Variants in TMPO observed in about 807,000 individuals in gnomAD.
TMPO encodes the protein thymopoietin.
Under a neutral mutation model 45.4 loss-of-function variants are expected in TMPO, and 22 were observed. That is an observed-to-expected ratio of 0.48 (90% CI 0.35 to 0.69). The LOEUF (loss-of-function observed/expected upper bound fraction) is 0.69, where lower values mean the gene tolerates loss of function less well. TMPO is among the 30% of genes least tolerant of loss of function. The probability of loss-of-function intolerance (pLI) is 0.01; values close to 1 mark genes in which losing one functional copy is unlikely to be tolerated. For missense variants in TMPO, 512 were observed against 548.8 expected (o/e 0.93, Z 0.67); for synonymous variants, 241 against 204.1 (o/e 1.18, Z -1.54).
intron 1 of TMPO, among the ~76,000 whole-genome samples, chr12:98,520,372 G>T (rs745474197): frequency 6.9e-6 from 1 of 145,236 alleles, no homozygotes; most frequent in Non-Finnish European, 1.5e-5. Flanking sequence ...GCATGATCTC[G>T]GCTCACTGCA....
At position 98,531,733 on chromosome 12, in the gene TMPO, A is replaced by G; in HGVS notation, c.460A>G (p.Thr154Ala). The G allele has an allele frequency of 6.2e-7, 1 of 1,613,640 alleles. No individual in the cohort carries two copies. The highest frequency in any genetic ancestry group is 8.5e-7 in the Non-Finnish European group (1 of 1,179,946). ...GCTTTTGAAACTGAGGGAACAAGGA[A>G]CAGAATCAAGATCTTCTACTCCTCT... ...KKLLKLREQGTESRSSTPLPT... is the reference protein window; with the variant it reads ...KKLLKLREQGAESRSSTPLPT... The change falls in exon 3 of 9, where the codon ACA becomes GCA. Residue 154 changes from threonine to alanine, a missense_variant. Physicochemically the swap from Thr to Ala is moderately conservative, Grantham distance 58. Transcript: ENST00000556029.
rs773959929 is a variant in TMPO, at chr12:98,544,367, C to A, written c.783+18C>A. ...GGAAAAGGGTGATGCAAGGCTTATT[C>A]CTTGGGTTTTCAGATTTGTAGGGTT... On this transcript the variant is annotated intron_variant, in intron 5 of 8. Coordinates refer to ENST00000556029, the MANE Select transcript of TMPO (RefSeq NM_001032283.3). 9 of 1,613,748 alleles carry A rather than the reference C, an allele frequency of 5.6e-6. No homozygotes were observed. Among genetic ancestry groups the A allele is most frequent in the Non-Finnish European group, 7.6e-6 (9 of 1,179,816 alleles).
chr12:98,516,043 G>C lies in TMPO; in HGVS notation c.176G>C (p.Ser59Thr), dbSNP rs987636941. Residue 59 changes from serine to threonine, a missense_variant, in exon 1 of 9, where the codon AGC becomes ACC. Ser to Thr is a moderately conservative substitution (Grantham distance 58). This residue lies in a region of TMPO where 299 missense variants were observed against 296.7 expected (regional missense o/e 1.01). Transcript: ENST00000556029. ...CCGCCGCTCCCCGCCGGCACCAACA[G>C]CAAGGGGCCCCCGGACTTCTCCAGT... ...NRPPLPAGTN[S>T]KGPPDFSSDE... The C allele has an allele frequency of 6.2e-7, 1 of 1,611,290 alleles. No individual in the cohort carries two copies. Among genetic ancestry groups the C allele is most frequent in the African/African-American group, 1.3e-5 (1 of 74,914 alleles).
rs147932064 is a variant in TMPO at position 98,541,398 on chromosome 12, T to A, written c.664-2832T>A. Among the ~76,000 whole-genome samples, 360 of 152,368 alleles carry A rather than the reference T, an allele frequency of 2.4e-3. 4 individuals carry two copies. The highest frequency in any genetic ancestry group is 8.3e-3 in the African/African-American group (346 of 41,600). On this transcript the variant is annotated intron_variant, in intron 4 of 8. Transcript: ENST00000556029. ...TACAGGCTAATTTTGGGTTATGTTA[T>A]ACTTGTATCATTTTTATCTTATGCT...
chr12:98,529,877 T>A (rs966684410), intron 2 of TMPO, among the ~76,000 whole-genome samples: 3 of 152,182 alleles, frequency 2.0e-5, no homozygotes, highest in Admixed American at 6.5e-5. Context: ...CTAAGTTACC[T>A]AAAATTGTGG....
intron 7 of TMPO, among the ~76,000 whole-genome samples, chr12:98,545,979 C>T (rs112973854): frequency 2.0e-5 from 3 of 152,124 alleles, no homozygotes; most frequent in African/African-American, 4.8e-5. Context: ...GTGATCCACC[C>T]GCCTCAGCCT....
chr12:98,516,842 A>C (rs1476380778), intron 1 of TMPO, among the ~76,000 whole-genome samples: 1 of 152,082 alleles, frequency 6.6e-6, no homozygotes, highest in Non-Finnish European at 1.5e-5. Flanking sequence ...GGAGTGTCGC[A>C]CTTGTTGCCC....
At chr12:98,547,145 G>A (rs191920224) in intron 8 of TMPO, among the ~76,000 whole-genome samples, 14 of 149,230 alleles carry the variant, frequency 9.4e-5, no homozygotes, top group Admixed American at 8.7e-4. Flanking sequence ...GCGTGATCTC[G>A]GCTCACTACA....
rs1467263758 is a variant in TMPO, at chr12:98,545,127, TTG to T, written c.990+68_990+69del. 438 of 1,214,610 alleles carry T rather than the reference TTG, an allele frequency of 3.6e-4. 1 individual carries two copies. The highest frequency in any genetic ancestry group is 3.1e-3 in the East Asian group (123 of 39,330). The allele number at this position is 1,214,610 out of a possible 1,614,324, so 75.2% of individuals were successfully genotyped here. A position where few individuals can be genotyped will look rare whatever the true frequency, so the allele number is the denominator to read the frequency against. ...TCAAAGAGGAAATATAAATATTTGTTTGTTTTTTTTTTTTTTTTTTGGAGTGG... is the reference window on the plus strand; with the variant it reads ...TCAAAGAGGAAATATAAATATTTGTTTTTTTTTTTTTTTTTTTTGGAGTGG... On this transcript the variant is annotated intron_variant, in intron 7 of 8. Transcript: ENST00000556029.
intron 8 of TMPO, 150 bp from the exon 9 acceptor site, chr12:98,547,423 C>A: frequency 1.1e-6 from 1 of 899,292 alleles, no homozygotes. Flanking sequence ...AATAGGTTGA[C>A]TGACCTCACT....
At position 98,520,605 on chromosome 12, in the gene TMPO, A is replaced by C. The variant is rs568346177; in HGVS notation, c.279+4459A>C. On this transcript the variant is annotated intron_variant, in intron 1 of 8. Transcript: ENST00000556029. Reference sequence around the variant, plus strand: ...CAGGAGTGAGCCACCTCACCCGGCCAATACCAGGTCTTATTTCTTTTTTCC... The same window carrying C: ...CAGGAGTGAGCCACCTCACCCGGCCCATACCAGGTCTTATTTCTTTTTTCC... Among the ~76,000 whole-genome samples the C allele has an allele frequency of 4.1e-5, 6 of 146,184 alleles. No homozygotes were observed. In the East Asian group the frequency reaches 1.2e-3, roughly 30 times the overall value.
rs143845319 is a variant in TMPO at position 98,533,796 on chromosome 12, G to T, written c.565+1958G>T. 6.6e-5 allele frequency: 107 copies of T among 1,614,098 alleles called. No individual in the cohort carries two copies. Among genetic ancestry groups the T allele is most frequent in the Non-Finnish European group, 8.5e-5 (100 of 1,180,038 alleles). ...AATGGCAGCAAGTTGACAGGCAGCT[G>T]CCTTCACTGGCATGCAAATATCCAG... On this transcript the variant is annotated intron_variant, in intron 3 of 8. Transcript: ENST00000556029.
At chr12:98,524,885 C>T (rs1876650880) in intron 1 of TMPO, among the ~76,000 whole-genome samples, 1 of 152,184 alleles carries the variant, frequency 6.6e-6, no homozygotes. Flanking sequence ...TGAGCCACTG[C>T]ACCTGGCCCA....
At chr12:98,543,196 C>A (rs10860341) in intron 4 of TMPO, among the ~76,000 whole-genome samples, 82,839 of 151,984 alleles carry the variant, frequency 0.55, 22,788 homozygotes, top group South Asian at 0.57. Flanking sequence ...TGACTTGGAC[C>A]TAAAACCATC....
At chr12:98,516,577 G>C (rs1363504692) in intron 1 of TMPO, 3 of 1,000,626 alleles carry the variant, frequency 3.0e-6, no homozygotes, top group Non-Finnish European at 3.6e-6. Context: ...GAGTCTCAGA[G>C]CGCTCCCTGG....
intron 1 of TMPO, among the ~76,000 whole-genome samples, chr12:98,525,769 G>T (rs550074761): frequency 2.1e-4 from 32 of 151,444 alleles, no homozygotes; most frequent in South Asian, 1.5e-3. Flanking sequence ...TTTGATTTGA[G>T]CCTGACAATT....
At chr12:98,533,502 T>G in intron 3 of TMPO, 1 of 1,614,184 alleles carries the variant, frequency 6.2e-7, no homozygotes, top group South Asian at 1.1e-5. Context: ...TTGATCAGTC[T>G]AAGTTTCAAG....
intron 1 of TMPO, among the ~76,000 whole-genome samples, chr12:98,517,969 C>T (rs1192706396): frequency 2.6e-5 from 4 of 152,084 alleles, no homozygotes; most frequent in Admixed American, 1.3e-4. Context: ...TCTAGACCAG[C>T]CTGGCCCATA....
At chr12:98,542,783 C>T (rs1344964975) in intron 4 of TMPO, among the ~76,000 whole-genome samples, 3 of 152,082 alleles carry the variant, frequency 2.0e-5, no homozygotes, top group Non-Finnish European at 4.4e-5. Context: ...ACTTGAACCT[C>T]GCAGGTGGAG....
Sources: allele counts gnomAD v4.1 joint callset (sites outside exome capture counted in the v4.1 genomes callset), GRCh38; gene constraint gnomAD v4.1.1; regional missense constraint gnomAD v4.1.1; transcripts MANE v1.5; gene names NCBI Gene and HGNC (gene_info 2026-07-23, HGNC 2026-07-21).